CACNA1D: variants seen among roughly 807,000 people sequenced by gnomAD.
CACNA1D encodes the protein calcium voltage-gated channel subunit alpha1 D, also known as voltage-dependent L-type calcium channel subunit alpha-1D.
CACNA1D carries 55 observed loss-of-function variants against 257.1 expected under a neutral mutation model. The observed-to-expected ratio is 0.21, with a 90% CI of 0.17 to 0.27. The LOEUF (loss-of-function observed/expected upper bound fraction) is 0.27, where lower values mean the gene tolerates loss of function less well. Among genes scored for constraint, CACNA1D ranks in the 10% least tolerant of loss-of-function variants. The probability of loss-of-function intolerance (pLI) is 1.00; values close to 1 mark genes in which losing one functional copy is unlikely to be tolerated. For synonymous variants in CACNA1D, 980 were observed against 1,014.9 expected (o/e 0.97, Z 0.65); for missense variants, 1,876 against 2,784.0 (o/e 0.67, Z 7.34).
chr3:53,591,171 T>C (rs1169392352), intron 3 of CACNA1D, among the ~76,000 whole-genome samples: 3 of 152,192 alleles, frequency 2.0e-5, no homozygotes, highest in Non-Finnish European at 4.4e-5. Flanking sequence ...TCTCTTATTC[T>C]CTCTGTCTGG....
intron 8 of CACNA1D, among the ~76,000 whole-genome samples, chr3:53,677,531 G>A (rs891098597): frequency 3.3e-5 from 5 of 152,232 alleles, no homozygotes; most frequent in African/African-American, 1.2e-4. Flanking sequence ...TCCCCTCACT[G>A]GGTTAGGTGG....
intron 3 of CACNA1D, among the ~76,000 whole-genome samples, chr3:53,598,588 GAA>G (rs5848998): frequency 2.6e-5 from 3 of 116,392 alleles, no homozygotes; most frequent in Non-Finnish European, 5.6e-5. Context: ...CTCATCTCCA[GAA>G]AAAAAAAAAA....
intron 3 of CACNA1D, among the ~76,000 whole-genome samples, chr3:53,554,152 C>T (rs1025317917): frequency 2.0e-5 from 3 of 150,422 alleles, no homozygotes; most frequent in Non-Finnish European, 4.4e-5. Context: ...GCCAAGATGG[C>T]ACCATTGCAC....
rs1035568790 is a variant in CACNA1D at position 53,516,339 on chromosome 3, T to C, written c.483+14619T>C. 2.0e-5 allele frequency among the ~76,000 whole-genome samples: 3 copies of C among 152,260 alleles called. No homozygotes were observed. In the East Asian group the frequency reaches 5.8e-4, roughly 29 times the overall value. On this transcript the variant is annotated intron_variant, in intron 3 of 47. Transcript: ENST00000350061. ...CCTGTTAAATCCCTGTGTTCTTCCA[T>C]GATTGCTGCCTTTCTTTGCCTTATG... is the stretch of plus-strand genomic sequence containing the variant.
chr3:53,765,848 G>A (rs998945713), intron 30 of CACNA1D: 9 of 152,342 alleles, frequency 5.9e-5, no homozygotes, highest in Non-Finnish European at 1.2e-4. Flanking sequence ...ACCCCGCTCA[G>A]TTCCTGGTTT....
chr3:53,808,542 T>A, intron 45 of CACNA1D, 107 bp from the exon 46 acceptor site: 1 of 1,372,472 alleles, frequency 7.3e-7, no homozygotes, highest in African/African-American at 1.4e-5. Flanking sequence ...AACCGCATGC[T>A]TCTTCCTGGG....
chr3:53,663,403 C>T (rs375241986), intron 5 of CACNA1D, among the ~76,000 whole-genome samples: 1 of 152,160 alleles, frequency 6.6e-6, no homozygotes, highest in Non-Finnish European at 1.5e-5. Flanking sequence ...GCAGCACAGT[C>T]GTGCTGAGGT....
chr3:53,508,239 C>T (rs916268873), intron 3 of CACNA1D, among the ~76,000 whole-genome samples: 1 of 152,108 alleles, frequency 6.6e-6, no homozygotes, highest in Non-Finnish European at 1.5e-5. Flanking sequence ...GTTTGCCGCA[C>T]CTATCAACCC....
intron 3 of CACNA1D, among the ~76,000 whole-genome samples, chr3:53,642,337 G>A (rs1447875790): frequency 1.3e-5 from 2 of 152,186 alleles, no homozygotes; most frequent in African/African-American, 4.8e-5. Flanking sequence ...GTTACCCCAG[G>A]GAAAGCTCCC....
chr3:53,781,617 G>A lies in CACNA1D; in HGVS notation c.4742G>A (p.Trp1581Ter). ...EELRAVIKKIWKKTSMKLLDQ... is the reference protein window; with the variant it reads ...EELRAVIKKI ...CTTCGGGCTGTGATAAAGAAAATTTGGAAGAAAACCAGCATGAAATTACTT... is the reference window on the plus strand; with the variant it reads ...CTTCGGGCTGTGATAAAGAAAATTTAGAAGAAAACCAGCATGAAATTACTT... Residue 1581 changes from tryptophan to a stop codon, truncating the protein, a stop_gained, in exon 39 of 48, where the codon TGG becomes TAG. Coordinates refer to ENST00000350061, the MANE Select transcript of CACNA1D (RefSeq NM_001128840.3). LOFTEE classifies it high-confidence loss of function. 6.2e-7 allele frequency: 1 copy of A among 1,614,100 alleles called. No individual in the cohort carries two copies. The highest frequency in any genetic ancestry group is 8.5e-7 in the Non-Finnish European group (1 of 1,179,958).
chr3:53,496,481 C>T (rs2107058937), intron 1 of CACNA1D, among the ~76,000 whole-genome samples: 1 of 152,296 alleles, frequency 6.6e-6, no homozygotes, highest in Admixed American at 6.5e-5. Flanking sequence ...CAAAAAAGCC[C>T]TAAAGATGTT....
chr3:53,714,780 C>T (rs1280147928), intron 9 of CACNA1D, among the ~76,000 whole-genome samples: 1 of 152,206 alleles, frequency 6.6e-6, no homozygotes, highest in African/African-American at 2.4e-5. Flanking sequence ...TTGGCGAGTT[C>T]TGTCCTCTGA....
At chr3:53,703,969 G>A (rs1166987632) in intron 9 of CACNA1D, among the ~76,000 whole-genome samples, 2 of 152,208 alleles carry the variant, frequency 1.3e-5, no homozygotes, top group Non-Finnish European at 2.9e-5. Flanking sequence ...TGGATGGATT[G>A]CAGGTGTGAC....
intron 3 of CACNA1D, among the ~76,000 whole-genome samples, chr3:53,524,941 G>A (rs2091706689): frequency 6.6e-6 from 1 of 152,192 alleles, no homozygotes; most frequent in African/African-American, 2.4e-5. Context: ...GTGCTTTGGA[G>A]GTTCTGCGTG....
At chr3:53,792,369 G>C (rs1359039999) in intron 40 of CACNA1D, 1 of 152,188 alleles carries the variant, frequency 6.6e-6, no homozygotes, top group Non-Finnish European at 1.5e-5. Context: ...TGGCCAGTTT[G>C]GGTTTTAAGA....
chr3:53,558,170 G>A (rs1033440733), intron 3 of CACNA1D, among the ~76,000 whole-genome samples: 1 of 152,052 alleles, frequency 6.6e-6, no homozygotes, highest in Non-Finnish European at 1.5e-5. Flanking sequence ...CAGTTTGCTA[G>A]CATTTTGTTG....
intron 11 of CACNA1D, among the ~76,000 whole-genome samples, chr3:53,720,420 T>A: frequency 6.6e-6 from 1 of 152,170 alleles, no homozygotes. Flanking sequence ...GATAAATTGG[T>A]CTTTGTCAAA....
chr3:53,572,526 A>C (rs530169068), intron 3 of CACNA1D, among the ~76,000 whole-genome samples: 36 of 152,120 alleles, frequency 2.4e-4, no homozygotes, highest in African/African-American at 7.7e-4. Context: ...CAGCCTCCTG[A>C]GTAGCTGGGA....
intron 3 of CACNA1D, among the ~76,000 whole-genome samples, chr3:53,645,308 G>A (rs1319827818): frequency 1.3e-5 from 2 of 152,122 alleles, no homozygotes; most frequent in African/African-American, 4.8e-5. Context: ...TTGTGTGTAA[G>A]CGTTTTAGTT....
Sources: gnomAD v4.1 joint callset for allele counts (sites outside exome capture counted in the v4.1 genomes callset) on GRCh38, gnomAD v4.1.1 for gene constraint, MANE v1.5 for transcripts, NCBI Gene and HGNC (gene_info 2026-07-23, HGNC 2026-07-21) for gene names.